METTL16: variants seen among roughly 807,000 people sequenced by gnomAD.
The protein encoded by METTL16 is methyltransferase 16, RNA N6-adenosine, also known as RNA N(6)-adenosine-methyltransferase METTL16.
A neutral mutation model predicts 57.9 loss-of-function variants in METTL16; 19 were observed. The observed-to-expected ratio is 0.33, with a 90% confidence interval of 0.23 to 0.48. METTL16 has a LOEUF of 0.48. Ranked by LOEUF, METTL16 falls within the 20% of genes least tolerant of loss-of-function variation. METTL16 has a pLI of 0.99. For missense variants in METTL16, 434 were observed against 691.5 expected (o/e 0.63, Z 4.18); for synonymous variants, 246 against 255.6 (o/e 0.96, Z 0.36).
In METTL16 at chr17:2,416,286, C is replaced by G. The variant is rs946229116; in HGVS notation, c.*3684G>C. The G allele has an allele frequency of 6.6e-6, 1 of 152,084 alleles. No homozygotes were observed. Among genetic ancestry groups the G allele is most frequent in the African/African-American group, 2.4e-5 (1 of 41,406 alleles). The allele number at this position is 152,084 out of a possible 1,614,324, so 9.4% of individuals were successfully genotyped here. ...GAAAGGAGGGGCTCCAGGAGCTGGT[C>G]GTGAAGTCATCAGCTCCCTTCTTTC... On this transcript the variant is annotated 3_prime_UTR_variant, in exon 10 of 10. Transcript: ENST00000263092.
rs774783844 is a variant in METTL16 at position 2,473,654 on chromosome 17, T to C, written c.339A>G (p.Ala113=). The change falls in exon 4 of 10, where the codon GCA becomes GCG. Residue 113 remains alanine, a synonymous_variant. Transcript: ENST00000263092. The part of the protein sequence containing the change: ...LRRGIDIGTG[A]SCIYPLLGAT... ...CTCCAAGTAAGGGGTAGATGCAAGA[T>C]GCCCCCGTGCCTAATAAAATAAAAA... 2.5e-6 allele frequency: 4 copies of C among 1,612,502 alleles called. No individual in the cohort carries two copies. Among genetic ancestry groups the C allele is most frequent in the Admixed American group, 1.7e-5 (1 of 59,424 alleles).
chr17:2,498,837 G>A (rs1452467855), intron 2 of METTL16, among the ~76,000 whole-genome samples: 3 of 151,516 alleles, frequency 2.0e-5, no homozygotes, highest in Non-Finnish European at 4.4e-5. Context: ...ACTCCTCAGT[G>A]GGCCTTATAA....
chr17:2,501,883 T>C (rs2067491378), intron 2 of METTL16, among the ~76,000 whole-genome samples: 1 of 151,346 alleles, frequency 6.6e-6, no homozygotes. Context: ...AGTGTTTAGA[T>C]CCTCACCAGT....
chr17:2,488,283 G>A (rs146487791), intron 2 of METTL16, among the ~76,000 whole-genome samples: 1,810 of 152,290 alleles, frequency 0.012, 35 homozygotes, highest in African/African-American at 0.041. Flanking sequence ...CCAGCCCGGC[G>A]CAGTGGCTCA....
chr17:2,469,670 G>A (rs2151566250), intron 4 of METTL16, among the ~76,000 whole-genome samples: 1 of 152,220 alleles, frequency 6.6e-6, no homozygotes, highest in South Asian at 2.1e-4. Context: ...GATTACAGAT[G>A]CCCATCACCA....
chr17:2,446,557 T>C (rs1169690615), intron 6 of METTL16, among the ~76,000 whole-genome samples: 3 of 151,768 alleles, frequency 2.0e-5, no homozygotes, highest in Non-Finnish European at 4.4e-5. Flanking sequence ...CCAAGGTGGG[T>C]AGATCACAAG....
rs186326779 is a variant in METTL16 at position 2,416,412 on chromosome 17, C to G, written c.*3558G>C. 5 of 152,232 alleles carry G rather than the reference C, an allele frequency of 3.3e-5. No homozygotes were observed. The highest frequency in any genetic ancestry group is 1.2e-4 in the African/African-American group (5 of 41,526). 9.4% of individuals were successfully genotyped at this position (152,232 alleles called of 1,614,324 possible). On this transcript the variant is annotated 3_prime_UTR_variant, in exon 10 of 10. Coordinates refer to ENST00000263092, the MANE Select transcript of METTL16 (RefSeq NM_024086.4). ...GAAGTTCGAGTGCTCACATGGTAAG[C>G]TTTGATTTCCATCGAGAGGAAAGGC...
At chr17:2,475,304 G>A (rs2067262257) in intron 3 of METTL16, 1 of 152,140 alleles carries the variant, frequency 6.6e-6, no homozygotes, top group East Asian at 1.9e-4. Flanking sequence ...GGATACCTGC[G>A]GGGCAGTGAG....
intron 5 of METTL16, among the ~76,000 whole-genome samples, chr17:2,465,942 C>T (rs1839674246): frequency 6.6e-6 from 1 of 150,576 alleles, no homozygotes; most frequent in South Asian, 2.1e-4. Context: ...CCTGTAATCC[C>T]AGCACTTTGG....
chr17:2,510,541 C>T (rs1261354343), intron 1 of METTL16, among the ~76,000 whole-genome samples: 3 of 152,210 alleles, frequency 2.0e-5, no homozygotes, highest in Non-Finnish European at 4.4e-5. Flanking sequence ...TTCAACTTTT[C>T]TGGTCAGAAC....
intron 1 of METTL16, among the ~76,000 whole-genome samples, chr17:2,507,413 C>T (rs547140498): frequency 0.031 from 4,515 of 147,242 alleles, 233 homozygotes; most frequent in African/African-American, 0.11. Context: ...CCGCCCCATC[C>T]GGGAGGTGAG....
intron 2 of METTL16, among the ~76,000 whole-genome samples, chr17:2,499,813 G>T (rs2067474491): frequency 6.6e-6 from 1 of 152,046 alleles, no homozygotes; most frequent in African/African-American, 2.4e-5. Context: ...AAGTGCAGTG[G>T]CATGATCTCG....
At chr17:2,425,946 C>G (rs1010498505) in intron 8 of METTL16, among the ~76,000 whole-genome samples, 1 of 151,320 alleles carries the variant, frequency 6.6e-6, no homozygotes, top group African/African-American at 2.4e-5. Flanking sequence ...CTCAATGATG[C>G]CATCAGCCAA....
At chr17:2,421,704 T>C (rs1414320598) in intron 8 of METTL16, among the ~76,000 whole-genome samples, 3 of 152,014 alleles carry the variant, frequency 2.0e-5, no homozygotes, top group Non-Finnish European at 4.4e-5. Flanking sequence ...GTAGTTTGAG[T>C]TTATATTGGC....
At chr17:2,491,852 G>A (rs1442276763) in intron 2 of METTL16, among the ~76,000 whole-genome samples, 1 of 137,556 alleles carries the variant, frequency 7.3e-6, no homozygotes, top group Non-Finnish European at 1.5e-5. Context: ...TCCAGCCTGG[G>A]CGACAGAGCG....
chr17:2,447,666 C>T (rs1305011057), intron 6 of METTL16, among the ~76,000 whole-genome samples: 17 of 125,850 alleles, frequency 1.4e-4, no homozygotes, highest in African/African-American at 5.1e-4. Flanking sequence ...AAGTGAGGAG[C>T]CCCTCTGCCC....
intron 7 of METTL16, among the ~76,000 whole-genome samples, chr17:2,439,634 T>C (rs1007518774): frequency 1.3e-5 from 2 of 151,804 alleles, no homozygotes; most frequent in African/African-American, 4.8e-5. Context: ...TAGTAAAAAA[T>C]AAAAATTAAA....
chr17:2,509,460 C>T (rs917826528), intron 1 of METTL16, among the ~76,000 whole-genome samples: 2 of 151,964 alleles, frequency 1.3e-5, no homozygotes, highest in Non-Finnish European at 2.9e-5. Context: ...TGGTGCATGC[C>T]TGTGTTCCTA....
At chr17:2,507,376 G>C (rs560937788) in intron 1 of METTL16, among the ~76,000 whole-genome samples, 195 of 146,458 alleles carry the variant, frequency 1.3e-3, no homozygotes, top group African/African-American at 4.6e-3. Flanking sequence ...GGAGGGAGGT[G>C]GGGGGGTCAG....
Sources: allele counts gnomAD v4.1 joint callset (sites outside exome capture counted in the v4.1 genomes callset), GRCh38; gene constraint gnomAD v4.1.1; transcripts MANE v1.5; gene names NCBI Gene and HGNC (gene_info 2026-07-23, HGNC 2026-07-21).